Variants in NEMP2 observed in about 807,000 individuals in gnomAD.
NEMP2 encodes the protein nuclear envelope integral membrane protein 2.
NEMP2 carries 53 observed loss-of-function variants against 54.2 expected under a neutral mutation model. The ratio of observed to expected loss-of-function variants is 0.98; its 90% CI spans 0.78 to 1.23. NEMP2 has a LOEUF of 1.23. Among genes scored for constraint, NEMP2 ranks in the 50% most tolerant of loss-of-function variants. The pLI is 0.00. For synonymous variants in NEMP2, 197 were observed against 190.3 expected (o/e 1.04, Z -0.29); for missense variants, 455 against 511.3 (o/e 0.89, Z 1.06).
chr2:190,456,187 C>T, the NEMP2 span, among the ~76,000 whole-genome samples: 7 of 151,880 alleles, frequency 4.6e-5, no homozygotes, highest in African/African-American at 4.8e-5. This position sits in a 1 kb window ranked among gnomAD's most constrained non-coding sequence, Gnocchi z 5.4. Context: ...GTGATCTACC[C>T]GCCTCAGCCT....
chr2:190,644,408 T>TTGACTGG, the NEMP2 span, among the ~76,000 whole-genome samples: 3 of 152,364 alleles, frequency 2.0e-5, no homozygotes, highest in African/African-American at 7.2e-5. This position sits in a 1 kb window ranked among gnomAD's most constrained non-coding sequence, Gnocchi z 4.4. Flanking sequence ...TCATTTACCA[T>TTGACTGG]TGACTGGTCT....
upstream of NEMP2, among the ~76,000 whole-genome samples, chr2:190,538,158 A>G (rs1691439403): frequency 6.6e-6 from 1 of 151,386 alleles, no homozygotes; most frequent in African/African-American, 2.4e-5. This position sits in a 1 kb window ranked among gnomAD's most constrained non-coding sequence, Gnocchi z 4.1. Flanking sequence ...GTAACCACCA[A>G]CCTACTTTTT....
the NEMP2 span, chr2:190,435,232 C>T: frequency 2.0e-5 from 3 of 152,192 alleles, no homozygotes; most frequent in Non-Finnish European, 1.5e-5. Context: ...TCATTCTTCT[C>T]ATCTGTAAAA....
the NEMP2 span, among the ~76,000 whole-genome samples, chr2:190,492,513 A>T: frequency 6.6e-6 from 1 of 152,254 alleles, no homozygotes; most frequent in Non-Finnish European, 1.5e-5. This position sits in a 1 kb window ranked among gnomAD's most constrained non-coding sequence, Gnocchi z 5.2. Context: ...ATTAATTTCC[A>T]TAAATAAATG....
chr2:190,429,371 C>T, the NEMP2 span, among the ~76,000 whole-genome samples: 1 of 151,008 alleles, frequency 6.6e-6, no homozygotes, highest in African/African-American at 2.4e-5. Flanking sequence ...TGTCGCCCAG[C>T]CTGGAGTACA....
rs2125300866 is a variant in NEMP2 at position 190,508,918 on chromosome 2, CCT to C, written c.*269_*270del. The C allele has an allele frequency of 1.4e-5, 6 of 443,258 alleles. No homozygotes were observed. In the South Asian group the frequency reaches 1.4e-4, roughly 10 times the overall value. 27.5% of individuals were successfully genotyped at this position (443,258 alleles called of 1,614,324 possible). On this transcript the variant is annotated 3_prime_UTR_variant, in exon 9 of 9. Coordinates refer to ENST00000409150, the MANE Select transcript of NEMP2 (RefSeq NM_001142645.2). The surrounding 1 kb of genome is among the most constrained non-coding windows in gnomAD (Gnocchi z 4.3). ...AGCCCCTTAAGAACAACGCCATTCC[CCT>C]GTTCCTAATGAAAGCCTTCATTCAA...
the NEMP2 span, among the ~76,000 whole-genome samples, chr2:190,461,600 C>T: frequency 1.3e-5 from 2 of 152,148 alleles, no homozygotes; most frequent in African/African-American, 4.8e-5. The surrounding 1 kb of genome is among the most constrained non-coding windows in gnomAD (Gnocchi z 5.5). Flanking sequence ...GTAAAGGCCT[C>T]GTTCTCTGCC....
the NEMP2 span, chr2:190,464,952 AT>A: frequency 1.0e-6 from 1 of 977,228 alleles, no homozygotes; most frequent in Non-Finnish European, 1.2e-6. Context: ...AGTTGGTTAA[AT>A]TTAGAAAAGT....
chr2:190,445,886 C>T, the NEMP2 span, among the ~76,000 whole-genome samples: 4 of 152,014 alleles, frequency 2.6e-5, no homozygotes, highest in African/African-American at 9.7e-5. Flanking sequence ...TCTTTAAGCT[C>T]TAAGGATTAC....
chr2:190,428,877 T>C, the NEMP2 span, among the ~76,000 whole-genome samples: 2 of 152,042 alleles, frequency 1.3e-5, no homozygotes, highest in African/African-American at 4.8e-5. Context: ...TTTGCCACAT[T>C]GGCCAGGCTG....
At chr2:190,437,187 C>T in the NEMP2 span, 2 of 1,614,236 alleles carry the variant, frequency 1.2e-6, no homozygotes, top group South Asian at 1.1e-5. The surrounding 1 kb of genome is among the most constrained non-coding windows in gnomAD (Gnocchi z 5.9). Flanking sequence ...TGATCGTTGC[C>T]ACTCAGTTCC....
chr2:190,439,087 C>T, the NEMP2 span, among the ~76,000 whole-genome samples: 18 of 151,986 alleles, frequency 1.2e-4, no homozygotes, highest in Non-Finnish European at 1.6e-4. This position sits in a 1 kb window ranked among gnomAD's most constrained non-coding sequence, Gnocchi z 5.8. Flanking sequence ...TCGGAATGCC[C>T]TTTAATTTTG....
chr2:190,603,304 GCTT>G, the NEMP2 span, among the ~76,000 whole-genome samples: 4 of 151,920 alleles, frequency 2.6e-5, no homozygotes, highest in African/African-American at 7.3e-5. Flanking sequence ...TCTCAGAGAT[GCTT>G]CTTATTTAAA....
the NEMP2 span, among the ~76,000 whole-genome samples, chr2:190,587,398 A>G: frequency 6.6e-6 from 1 of 152,182 alleles, no homozygotes; most frequent in Non-Finnish European, 1.5e-5. This position sits in a 1 kb window ranked among gnomAD's most constrained non-coding sequence, Gnocchi z 5.4. Flanking sequence ...TTGAGGAACA[A>G]AGGCAAAAAC....
chr2:190,440,948 C>T, the NEMP2 span, among the ~76,000 whole-genome samples: 4 of 152,156 alleles, frequency 2.6e-5, no homozygotes. Context: ...TGCTGGGCTT[C>T]AGCACAGCCA....
At chr2:190,424,067 T>G in the NEMP2 span, among the ~76,000 whole-genome samples, 14 of 152,346 alleles carry the variant, frequency 9.2e-5, no homozygotes, top group African/African-American at 2.9e-4. The surrounding 1 kb of genome is among the most constrained non-coding windows in gnomAD (Gnocchi z 5.9). Flanking sequence ...TCCAAGTATT[T>G]TCTCACAGTC....
At chr2:190,539,056 T>G (rs1296617832), upstream of NEMP2, among the ~76,000 whole-genome samples, 2 of 152,232 alleles carry the variant, frequency 1.3e-5, no homozygotes, top group East Asian at 3.8e-4. This position sits in a 1 kb window ranked among gnomAD's most constrained non-coding sequence, Gnocchi z 4.1. Flanking sequence ...CCTGAAACGT[T>G]TTCTTCTAGT....
At chr2:190,640,787 A>ATT in the NEMP2 span, among the ~76,000 whole-genome samples, 28 of 118,020 alleles carry the variant, frequency 2.4e-4, no homozygotes, top group African/African-American at 8.3e-4. Context: ...AACACATTCA[A>ATT]TTTTTTTTTT....
At chr2:190,434,413 T>C in the NEMP2 span, among the ~76,000 whole-genome samples, 1 of 152,100 alleles carries the variant, frequency 6.6e-6, no homozygotes, top group Non-Finnish European at 1.5e-5. The surrounding 1 kb of genome is among the most constrained non-coding windows in gnomAD (Gnocchi z 4.3). Flanking sequence ...ATATCGTATA[T>C]GAAAAACATT....
Sources: allele counts gnomAD v4.1 joint callset (sites outside exome capture counted in the v4.1 genomes callset), GRCh38; gene constraint gnomAD v4.1.1; non-coding constraint Gnocchi (gnomAD v3.1); transcripts MANE v1.5; gene names NCBI Gene and HGNC (gene_info 2026-07-23, HGNC 2026-07-21).